RHEB: variants seen among roughly 807,000 people sequenced by gnomAD.
RHEB encodes the protein Ras homolog, mTORC1 binding.
RHEB carries 2 observed loss-of-function variants against 28.8 expected under a neutral mutation model. That is an observed-to-expected ratio of 0.07 (90% CI 0.03 to 0.22). The LOEUF is 0.22. Ranked by LOEUF, RHEB falls within the 10% of genes least tolerant of loss-of-function variation. The pLI is 1.00. For missense variants in RHEB, 76 were observed against 219.9 expected (o/e 0.35, Z 4.14); for synonymous variants, 69 against 77.3 (o/e 0.89, Z 0.56).
chr7:151,483,675 C>T (rs1219744618), intron 3 of RHEB, among the ~76,000 whole-genome samples: 1 of 152,132 alleles, frequency 6.6e-6, no homozygotes, highest in Non-Finnish European at 1.5e-5. Context: ...AGCACCACTG[C>T]CTTCCAGCCT....
intron 5 of RHEB, 26 bp downstream of exon 5, chr7:151,471,523 C>T (rs781040709): frequency 1.3e-6 from 2 of 1,582,412 alleles, no homozygotes; most frequent in African/African-American, 1.4e-5. Flanking sequence ...GTTTCTCTAA[C>T]AAGCAGATAA....
intron 1 of RHEB, among the ~76,000 whole-genome samples, chr7:151,504,067 G>C (rs925060953): frequency 6.6e-6 from 1 of 152,192 alleles, no homozygotes; most frequent in Non-Finnish European, 1.5e-5. Flanking sequence ...TCTCCCTCCA[G>C]ACTGGCAGTT....
chr7:151,483,781 A>G (rs1250193106), intron 3 of RHEB, among the ~76,000 whole-genome samples: 1 of 152,192 alleles, frequency 6.6e-6, no homozygotes, highest in Non-Finnish European at 1.5e-5. Context: ...CCCTCCAGTG[A>G]AGAAGGGTAA....
At chr7:151,498,612 C>T (rs1802715057) in intron 1 of RHEB, among the ~76,000 whole-genome samples, 4 of 151,940 alleles carry the variant, frequency 2.6e-5, no homozygotes, top group Non-Finnish European at 5.9e-5. Flanking sequence ...TAAAAAGATA[C>T]CACTGAAAAG....
chr7:151,515,068 C>CA (rs10711342), intron 1 of RHEB, among the ~76,000 whole-genome samples: 2,465 of 140,314 alleles, frequency 0.018, 22 homozygotes, highest in Non-Finnish European at 0.022. Flanking sequence ...AAATAATAGC[C>CA]AAAAAAAAAA....
chr7:151,478,399 A>T (rs1802311182), intron 3 of RHEB, among the ~76,000 whole-genome samples: 1 of 149,450 alleles, frequency 6.7e-6, no homozygotes, highest in African/African-American at 2.5e-5. Flanking sequence ...AAAAAAAAAA[A>T]AGAAAAGAAA....
chr7:151,495,355 T>C (rs1802654723), intron 1 of RHEB, among the ~76,000 whole-genome samples: 1 of 152,208 alleles, frequency 6.6e-6, no homozygotes, highest in African/African-American at 2.4e-5. Flanking sequence ...AGTATCTCAA[T>C]TCCTACAATT....
chr7:151,480,077 T>C, intron 3 of RHEB, among the ~76,000 whole-genome samples: 1 of 152,220 alleles, frequency 6.6e-6, no homozygotes, highest in East Asian at 1.9e-4. Flanking sequence ...TAACACATAG[T>C]GCTGGTGAGG....
chr7:151,510,695 C>T (rs538671904), intron 1 of RHEB, among the ~76,000 whole-genome samples: 9 of 152,206 alleles, frequency 5.9e-5, no homozygotes, highest in Non-Finnish European at 1.2e-4. Context: ...CACAAACTGT[C>T]CTCTTCAACC....
intron 2 of RHEB, among the ~76,000 whole-genome samples, chr7:151,487,638 C>T (rs1802503514): frequency 6.6e-6 from 1 of 152,034 alleles, no homozygotes. Context: ...CATAGGAAAA[C>T]TGCCAGTTTT....
intron 1 of RHEB, among the ~76,000 whole-genome samples, chr7:151,516,327 G>A (rs1180155734): frequency 1.3e-5 from 2 of 151,974 alleles, no homozygotes; most frequent in Non-Finnish European, 2.9e-5. Flanking sequence ...AAAAGAAAAC[G>A]GAAAGCCAAG....
chr7:151,510,557 T>C (rs1248471195), intron 1 of RHEB, among the ~76,000 whole-genome samples: 2 of 152,218 alleles, frequency 1.3e-5, no homozygotes, highest in South Asian at 2.1e-4. Context: ...CAAGTTCCTG[T>C]GGCTCTCAAC....
chr7:151,511,967 C>A (rs901504836), intron 1 of RHEB, among the ~76,000 whole-genome samples: 1 of 152,196 alleles, frequency 6.6e-6, no homozygotes. Context: ...ATTTAAAAAT[C>A]AATCCAGCAA....
chr7:151,515,253 A>G lies in RHEB; in HGVS notation c.52+4207T>C, dbSNP rs560078352. Among the ~76,000 whole-genome samples the G allele has an allele frequency of 2.0e-5, 3 of 152,312 alleles. No homozygotes were observed. In the South Asian group the frequency reaches 6.2e-4, roughly 32 times the overall value. ...AAAGACGCCAGCCCCAGAAGACCAC[A>G]TATGTATGTTCTTATTTATATGAAA... On this transcript the variant is annotated intron_variant, in intron 1 of 7. Coordinates refer to ENST00000262187, the MANE Select transcript of RHEB (RefSeq NM_005614.4).
rs188235551 is a variant in RHEB at position 151,500,455 on chromosome 7, A to C, written c.53-9441T>G. On this transcript the variant is annotated intron_variant, in intron 1 of 7. Transcript: ENST00000262187. ...TTAATGGAAGAAAATGCACACTCCC[A>C]AAATAGATCTATACACATGTATCAT... Among the ~76,000 whole-genome samples the C allele has an allele frequency of 8.5e-5, 13 of 152,336 alleles. No homozygotes were observed. The East Asian group carries it at 1.9e-3, about 23-fold the overall frequency.
intron 1 of RHEB, chr7:151,502,516 C>T (rs1802790966): frequency 1.4e-5 from 14 of 966,438 alleles, no homozygotes; most frequent in South Asian, 7.7e-5. Context: ...AGAAAGTCAA[C>T]GTTGACTTTG....
chr7:151,473,146 G>A (rs1802193485), intron 4 of RHEB, among the ~76,000 whole-genome samples: 1 of 152,214 alleles, frequency 6.6e-6, no homozygotes. Flanking sequence ...TGGCAAAGGT[G>A]ATGGAATGTC....
At chr7:151,491,839 C>T (rs1334157278) in intron 1 of RHEB, among the ~76,000 whole-genome samples, 12 of 152,124 alleles carry the variant, frequency 7.9e-5, no homozygotes, top group African/African-American at 2.9e-4. Context: ...AAAGGCCTAG[C>T]AGTATCTAGA....
intron 1 of RHEB, among the ~76,000 whole-genome samples, chr7:151,500,921 C>CT (rs914357644): frequency 6.6e-5 from 10 of 152,030 alleles, no homozygotes; most frequent in African/African-American, 2.4e-4. Context: ...GAGGTTGAGG[C>CT]TGCAGCAAGC....
Sources: allele counts gnomAD v4.1 joint callset (sites outside exome capture counted in the v4.1 genomes callset), GRCh38; gene constraint gnomAD v4.1.1; transcripts MANE v1.5; gene names NCBI Gene and HGNC (gene_info 2026-07-23, HGNC 2026-07-21).